SNX29: variants seen among roughly 807,000 people sequenced by gnomAD.
The protein encoded by SNX29 is sorting nexin-29.
In SNX29, 78 loss-of-function variants were observed where a neutral mutation model predicts 102.1. The observed-to-expected ratio is 0.76, with a 90% confidence interval of 0.64 to 0.92. SNX29 has a LOEUF of 0.92. SNX29 is among the 40% of genes least tolerant of loss of function. SNX29 has a pLI of 0.00. For missense variants in SNX29, 1,280 were observed against 1,061.7 expected (o/e 1.21, Z -2.86); for synonymous variants, 580 against 414.5 (o/e 1.40, Z -4.85).
At chr16:12,457,537 G>A (rs2086592454) in intron 18 of SNX29, among the ~76,000 whole-genome samples, 1 of 152,164 alleles carries the variant, frequency 6.6e-6, no homozygotes, top group Non-Finnish European at 1.5e-5. Context: ...AGGACAGGGT[G>A]GTCTGGAGGA....
At chr16:12,103,147 C>T (rs1413740933) in intron 11 of SNX29, among the ~76,000 whole-genome samples, 5 of 152,154 alleles carry the variant, frequency 3.3e-5, no homozygotes, top group African/African-American at 1.2e-4. Context: ...TTTATAGATT[C>T]AATGCTATTC....
chr16:12,317,493 T>C (rs2080788306), intron 15 of SNX29, among the ~76,000 whole-genome samples: 1 of 152,206 alleles, frequency 6.6e-6, no homozygotes, highest in African/African-American at 2.4e-5. Context: ...CTGGTGGCCC[T>C]TCCTGTGCCT....
chr16:12,529,227 CA>C (rs1343140658), intron 20 of SNX29, among the ~76,000 whole-genome samples: 2 of 152,146 alleles, frequency 1.3e-5, no homozygotes, highest in South Asian at 2.1e-4. Flanking sequence ...CAGTGTGGCC[CA>C]GGGGGGACCA....
intron 15 of SNX29, among the ~76,000 whole-genome samples, chr16:12,318,820 A>G (rs1217645033): frequency 6.6e-6 from 1 of 152,146 alleles, no homozygotes. Context: ...GTCCACGTGT[A>G]AGTGTGCATT....
chr16:12,204,360 G>A (rs1013449191), intron 14 of SNX29, among the ~76,000 whole-genome samples: 1 of 152,078 alleles, frequency 6.6e-6, no homozygotes, highest in African/African-American at 2.4e-5. Flanking sequence ...AGGCCTGTTC[G>A]TCCTTGTAAA....
intron 14 of SNX29, among the ~76,000 whole-genome samples, chr16:12,206,856 G>T (rs902361864): frequency 4.5e-5 from 6 of 134,552 alleles, no homozygotes; most frequent in Non-Finnish European, 9.3e-5. Flanking sequence ...AATGATTCCA[G>T]TGTGCAGGTT....
chr16:12,029,736 T>C, intron 4 of SNX29: 1 of 390,544 alleles, frequency 2.6e-6, no homozygotes, highest in East Asian at 7.4e-5. Context: ...GGACTATAGG[T>C]GTGTGCCACC....
chr16:12,073,244 G>A (rs1416683445), intron 10 of SNX29, among the ~76,000 whole-genome samples: 5 of 151,966 alleles, frequency 3.3e-5, no homozygotes, highest in Non-Finnish European at 7.4e-5. Context: ...TTTTTTTCTA[G>A]TTCTTTTAAT....
At position 12,046,241 on chromosome 16, in the gene SNX29, C is replaced by G. The variant is rs919789290; in HGVS notation, c.429-143C>G. 9.7e-5 allele frequency: 74 copies of G among 761,992 alleles called. 2 individuals carry two copies. The African/African-American group carries it at 1.2e-3, about 12-fold the overall frequency. The allele number at this position is 761,992 out of a possible 1,614,324, so 47.2% of individuals were successfully genotyped here. On this transcript the variant is annotated intron_variant, in intron 5 of 20. Coordinates refer to ENST00000566228, the MANE Select transcript of SNX29 (RefSeq NM_032167.5). ...TCTGTTTGTAACCAGAAGCTGTAAA[C>G]CAGCAGAGACCTCAGACAAATCATA...
chr16:12,238,427 G>A (rs2078003107), intron 14 of SNX29, among the ~76,000 whole-genome samples: 1 of 152,032 alleles, frequency 6.6e-6, no homozygotes, highest in African/African-American at 2.4e-5. Flanking sequence ...CCGAGTTCAA[G>A]CGATTCTCCC....
intron 20 of SNX29, among the ~76,000 whole-genome samples, chr16:12,548,329 C>G (rs1388081309): frequency 6.6e-6 from 1 of 152,180 alleles, no homozygotes; most frequent in African/African-American, 2.4e-5. Context: ...GGCTTGGTGC[C>G]TCCATGGGGA....
chr16:12,001,015 C>G (rs1019666425), intron 2 of SNX29, among the ~76,000 whole-genome samples: 21 of 152,300 alleles, frequency 1.4e-4, no homozygotes, highest in Admixed American at 1.1e-3. Flanking sequence ...GGTTCTTTCT[C>G]TGCTGCAGAA....
At chr16:12,175,290 A>G (rs1303463269) in intron 13 of SNX29, among the ~76,000 whole-genome samples, 2 of 152,234 alleles carry the variant, frequency 1.3e-5, no homozygotes, top group South Asian at 2.1e-4. Flanking sequence ...CTAACTCCCA[A>G]TGTGATTGTA....
At chr16:12,543,856 G>A (rs1567682818) in intron 20 of SNX29, among the ~76,000 whole-genome samples, 3 of 152,192 alleles carry the variant, frequency 2.0e-5, no homozygotes, top group Non-Finnish European at 4.4e-5. Flanking sequence ...AGCCAGTGGT[G>A]GAACATCCTC....
chr16:12,544,457 A>C (rs932729632), intron 20 of SNX29, among the ~76,000 whole-genome samples: 1 of 152,054 alleles, frequency 6.6e-6, no homozygotes, highest in African/African-American at 2.4e-5. Context: ...ACCCTATCTC[A>C]TTCTGAAGAG....
chr16:11,991,711 CTTTTT>C (rs762156831), intron 1 of SNX29, among the ~76,000 whole-genome samples: 1 of 118,354 alleles, frequency 8.4e-6, no homozygotes. Context: ...TGAGGCTAAT[CTTTTT>C]TTTTTTTTTT....
intron 1 of SNX29, chr16:11,983,795 A>G (rs1383795178): frequency 4.0e-6 from 3 of 747,790 alleles, no homozygotes; most frequent in Non-Finnish European, 4.9e-6. Context: ...AAATTGTGGC[A>G]ATGTGAGCAT....
At chr16:12,075,934 A>T (rs184985655) in intron 10 of SNX29, among the ~76,000 whole-genome samples, 1 of 152,192 alleles carries the variant, frequency 6.6e-6, no homozygotes, top group African/African-American at 2.4e-5. Context: ...TGTGCTAGCA[A>T]TCAGCGAGAC....
chr16:12,388,058 A>G (rs558937717), intron 16 of SNX29, among the ~76,000 whole-genome samples: 20 of 152,354 alleles, frequency 1.3e-4, no homozygotes, highest in African/African-American at 3.8e-4. Flanking sequence ...AGTCATACAC[A>G]TGCTCGGATT....
Sources: allele counts gnomAD v4.1 joint callset (sites outside exome capture counted in the v4.1 genomes callset), GRCh38; gene constraint gnomAD v4.1.1; transcripts MANE v1.5; gene names NCBI Gene and HGNC (gene_info 2026-07-23, HGNC 2026-07-21).